Variants in REDIC1 observed in about 807,000 individuals in gnomAD.
REDIC1 encodes regulator of DNA class I crossover intermediates 1.
chr12:39,829,511 ATTCTCCT>A, the REDIC1 span: 104,073 of 149,762 alleles, frequency 0.69, 36,551 homozygotes, highest in African/African-American at 0.81. Flanking sequence ...GGTTCAAGTG[ATTCTCCT>A]TTCTCCTGCC....
chr12:39,717,310 C>A, the REDIC1 span, among the ~76,000 whole-genome samples: 6 of 151,840 alleles, frequency 4.0e-5, no homozygotes, highest in Admixed American at 2.0e-4. Context: ...TTACTGATAA[C>A]ATAAACAGTT....
chr12:39,848,560 A>G, the REDIC1 span, among the ~76,000 whole-genome samples: 2 of 152,128 alleles, frequency 1.3e-5, no homozygotes, highest in African/African-American at 4.8e-5. Context: ...AGGGAATGCT[A>G]ATATACTGTT....
chr12:39,749,351 C>T, the REDIC1 span, among the ~76,000 whole-genome samples: 2 of 152,106 alleles, frequency 1.3e-5, no homozygotes, highest in South Asian at 2.1e-4. Flanking sequence ...ACACATACAC[C>T]CTCCCAAGAC....
chr12:39,691,479 G>A, the REDIC1 span, among the ~76,000 whole-genome samples: 1 of 151,976 alleles, frequency 6.6e-6, no homozygotes, highest in Non-Finnish European at 1.5e-5. Flanking sequence ...ATCAAAATTT[G>A]ATAAAATTGA....
At chr12:39,833,991 A>G in the REDIC1 span, among the ~76,000 whole-genome samples, 1 of 152,018 alleles carries the variant, frequency 6.6e-6, no homozygotes, top group Non-Finnish European at 1.5e-5. Context: ...CCAGAGGCCA[A>G]GAAGAATCTG....
At chr12:39,642,512 A>G in the REDIC1 span, among the ~76,000 whole-genome samples, 2 of 151,626 alleles carry the variant, frequency 1.3e-5, no homozygotes, top group African/African-American at 4.8e-5. Flanking sequence ...ACTCAGTTGC[A>G]TTTATTTGTG....
At chr12:39,902,254 TG>T in the REDIC1 span, among the ~76,000 whole-genome samples, 1 of 150,970 alleles carries the variant, frequency 6.6e-6, no homozygotes, top group East Asian at 2.0e-4. Flanking sequence ...GACGAATTAA[TG>T]GGTGCAGCAC....
chr12:39,879,976 T>G, the REDIC1 span, among the ~76,000 whole-genome samples: 1 of 152,202 alleles, frequency 6.6e-6, no homozygotes, highest in South Asian at 2.1e-4. Flanking sequence ...CATGGTTTGG[T>G]CCTGTCTTAA....
the REDIC1 span, among the ~76,000 whole-genome samples, chr12:39,674,957 C>T: frequency 6.6e-6 from 1 of 152,182 alleles, no homozygotes; most frequent in Non-Finnish European, 1.5e-5. Flanking sequence ...CTGCAGCCAA[C>T]AGTGTGGGTA....
the REDIC1 span, among the ~76,000 whole-genome samples, chr12:39,666,237 C>T: frequency 6.6e-6 from 1 of 152,060 alleles, no homozygotes; most frequent in Admixed American, 6.6e-5. Context: ...TGAAATATGT[C>T]CCATCAATAC....
At chr12:39,694,166 A>G in the REDIC1 span, among the ~76,000 whole-genome samples, 8 of 151,984 alleles carry the variant, frequency 5.3e-5, no homozygotes, top group African/African-American at 1.7e-4. Context: ...AGGGATCCTT[A>G]TATATTAGAA....
At chr12:39,771,398 T>C in the REDIC1 span, among the ~76,000 whole-genome samples, 1 of 152,270 alleles carries the variant, frequency 6.6e-6, no homozygotes, top group South Asian at 2.1e-4. Flanking sequence ...CGCCATGCTG[T>C]AGGATGCCTA....
At chr12:39,772,079 C>A in the REDIC1 span, among the ~76,000 whole-genome samples, 2,127 of 152,174 alleles carry the variant, frequency 0.014, 45 homozygotes, top group African/African-American at 0.048. Flanking sequence ...TTTTCACTTT[C>A]CTCATTTATG....
At chr12:39,758,717 A>T in the REDIC1 span, 1 of 152,042 alleles carries the variant, frequency 6.6e-6, no homozygotes, top group Non-Finnish European at 1.5e-5. Flanking sequence ...CTGTTCCAAT[A>T]GGCAATCTCA....
the REDIC1 span, among the ~76,000 whole-genome samples, chr12:39,804,971 G>A: frequency 3.9e-5 from 6 of 152,152 alleles, no homozygotes; most frequent in Non-Finnish European, 8.8e-5. Context: ...GCACTTGCTT[G>A]GAAAGTGCCA....
chr12:39,730,408 C>T, the REDIC1 span, among the ~76,000 whole-genome samples: 1 of 152,250 alleles, frequency 6.6e-6, no homozygotes, highest in Non-Finnish European at 1.5e-5. Context: ...ATTTCTCCTT[C>T]TCTTGTGAAG....
the REDIC1 span, among the ~76,000 whole-genome samples, chr12:39,866,011 T>C: frequency 6.6e-6 from 1 of 152,234 alleles, no homozygotes; most frequent in Non-Finnish European, 1.5e-5. Context: ...CCTGCACATG[T>C]ACCCCTGAAA....
At chr12:39,758,179 T>C in the REDIC1 span, 5 of 151,718 alleles carry the variant, frequency 3.3e-5, no homozygotes, top group South Asian at 4.2e-4. Flanking sequence ...CTATAAAATA[T>C]TAATTTTTTT....
the REDIC1 span, among the ~76,000 whole-genome samples, chr12:39,744,348 A>T: frequency 6.6e-6 from 1 of 152,208 alleles, no homozygotes; most frequent in African/African-American, 2.4e-5. Flanking sequence ...AATGCAGTTG[A>T]TATGGGTCAG....
Sources: allele counts gnomAD v4.1 joint callset (sites outside exome capture counted in the v4.1 genomes callset), GRCh38; gene constraint gnomAD v4.1.1; transcripts MANE v1.5; gene names NCBI Gene and HGNC (gene_info 2026-07-23, HGNC 2026-07-21).